The following ZP3 variants were observed in gnomAD, a reference collection of about 807,000 sequenced individuals.
The protein encoded by ZP3 is zona pellucida glycoprotein 3.
In ZP3, 21 loss-of-function variants were observed where a neutral mutation model predicts 35.6. That is an observed-to-expected ratio of 0.59 (90% CI 0.42 to 0.85). The LOEUF is 0.85. Ranked by LOEUF, ZP3 falls within the 40% of genes least tolerant of loss-of-function variation. ZP3 has a pLI of 0.00. For synonymous variants in ZP3, 207 were observed against 214.5 expected (o/e 0.96, Z 0.31); for missense variants, 437 against 536.5 (o/e 0.81, Z 1.83).
intron 2 of ZP3, among the ~76,000 whole-genome samples, chr7:76,430,392 T>A (rs917318814): frequency 1.3e-5 from 2 of 152,086 alleles, no homozygotes; most frequent in Non-Finnish European, 2.9e-5. Context: ...GGCCTCAGCA[T>A]GGGGTGCAGG....
intron 1 of ZP3, among the ~76,000 whole-genome samples, chr7:76,415,182 C>T (rs1805339547): frequency 6.6e-6 from 1 of 151,510 alleles, no homozygotes; most frequent in African/African-American, 2.4e-5. Context: ...TCAAGACCAG[C>T]CTGGCCAACA....
chr7:76,421,214 G>A (rs967275656), upstream of ZP3, among the ~76,000 whole-genome samples: 4 of 152,020 alleles, frequency 2.6e-5, no homozygotes, highest in East Asian at 1.9e-4. Context: ...GATGACAGGC[G>A]TGAGCCACTG....
intron 1 of ZP3, among the ~76,000 whole-genome samples, chr7:76,406,988 C>T (rs1454407066): frequency 6.6e-6 from 1 of 150,878 alleles, no homozygotes; most frequent in African/African-American, 2.4e-5. Flanking sequence ...GGAGACAGAG[C>T]CTCCCTCTGT....
At chr7:76,408,940 C>T (rs765733786) in intron 1 of ZP3, among the ~76,000 whole-genome samples, 2 of 152,158 alleles carry the variant, frequency 1.3e-5, no homozygotes, top group African/African-American at 4.8e-5. Flanking sequence ...ATGACCTTCA[C>T]CTTGCAAAGC....
At chr7:76,427,851 TTA>T (rs1399958520) in intron 1 of ZP3, among the ~76,000 whole-genome samples, 7 of 152,040 alleles carry the variant, frequency 4.6e-5, no homozygotes, top group Non-Finnish European at 8.8e-5. Flanking sequence ...CCCAGCCAAG[TTA>T]TGTTTTTGTA....
chr7:76,409,329 A>AGT (rs879336374), intron 1 of ZP3: 7,936 of 47,158 alleles, frequency 0.17, 282 homozygotes, highest in Middle Eastern at 0.37. Context: ...TGTCTCACAC[A>AGT]CACACACACA....
intron 1 of ZP3, among the ~76,000 whole-genome samples, chr7:76,426,897 C>CAA (rs1805677145): frequency 1.4e-5 from 2 of 140,206 alleles, no homozygotes; most frequent in African/African-American, 2.7e-5. Flanking sequence ...CACACACACA[C>CAA]ACACACACAC....
chr7:76,424,865 G>A, upstream of ZP3: 1 of 1,172,732 alleles, frequency 8.5e-7, no homozygotes, highest in Non-Finnish European at 1.2e-6. Context: ...GCTGGCTAGG[G>A]AAGGGAGGCA....
At chr7:76,430,617 C>A (rs900830617) in intron 2 of ZP3, among the ~76,000 whole-genome samples, 1 of 152,178 alleles carries the variant, frequency 6.6e-6, no homozygotes, top group African/African-American at 2.4e-5. Flanking sequence ...TGCCTGTAAT[C>A]TCAGCTACTC....
chr7:76,421,779 T>A (rs149261047), upstream of ZP3, among the ~76,000 whole-genome samples: 49 of 151,804 alleles, frequency 3.2e-4, no homozygotes, highest in Non-Finnish European at 6.5e-4. Flanking sequence ...AGTTTTTGTA[T>A]TCTTCCTCCT....
chr7:76,423,881 G>C (rs1805580337), upstream of ZP3, among the ~76,000 whole-genome samples: 1 of 151,772 alleles, frequency 6.6e-6, no homozygotes, highest in African/African-American at 2.4e-5. Flanking sequence ...AGAATGCCCT[G>C]GTCGGGGTGA....
Position 76,432,975 on chromosome 7 carries a change from C to G in ZP3, c.480C>G (p.Phe160Leu). Residue 160 changes from phenylalanine to leucine, a missense_variant, in exon 3 of 8, where the codon TTC (phenylalanine) becomes TTG (leucine). Phe to Leu is a conservative substitution (Grantham distance 22). Around this residue, in one of 6 missense-constraint regions of ZP3, gnomAD observed 352 missense variants for 308.4 expected, o/e 1.14. Transcript: ENST00000394857. Reference protein sequence around the residue: ...SQAILPTWLPFRTTVFSEEKL... With the variant: ...SQAILPTWLPLRTTVFSEEKL... ...CCATCCTGCCCACCTGGTTGCCCTT[C>G]AGGACCACGGTGTTCTCAGAGGAGA... is the stretch of plus-strand genomic sequence containing the variant. 3 of 1,614,152 alleles carry G rather than the reference C, an allele frequency of 1.9e-6. No individual in the cohort carries two copies. The highest frequency in any genetic ancestry group is 2.5e-6 in the Non-Finnish European group (3 of 1,180,034).
intron 2 of ZP3, among the ~76,000 whole-genome samples, chr7:76,431,042 C>A (rs760078356): frequency 7.9e-5 from 12 of 152,200 alleles, no homozygotes; most frequent in Admixed American, 1.3e-4. Flanking sequence ...TGGGTGAGGA[C>A]TGAATCTCCA....
rs924402462 is a variant in ZP3, at chr7:76,400,911, G to A, written c.-67+3114G>A. The A allele has an allele frequency of 2.7e-6, 4 of 1,486,110 alleles. No individual in the cohort carries two copies. The African/African-American group carries it at 4.2e-5, about 16-fold the overall frequency. The allele number at this position is 1,486,110 out of a possible 1,614,324, so 92.1% of individuals were successfully genotyped here. A position where few individuals can be genotyped will look rare whatever the true frequency, so the allele number is the denominator to read the frequency against. On this transcript the variant is annotated intron_variant, in intron 1 of 8. Coordinates refer to the ZP3 transcript ENST00000336517. ...TGAGATGGGGGCATCTAGAGTCAAG[G>A]GGGGCTGGTTAGTCATCACTTCCTG...
At chr7:76,440,882 G>A (rs989042830) in intron 7 of ZP3, among the ~76,000 whole-genome samples, 13 of 152,072 alleles carry the variant, frequency 8.5e-5, no homozygotes, top group African/African-American at 2.2e-4. Context: ...CAGTTGTTAA[G>A]ATAATCTGGC....
intron 1 of ZP3, among the ~76,000 whole-genome samples, chr7:76,406,127 A>G (rs1805021176): frequency 6.6e-6 from 1 of 152,046 alleles, no homozygotes; most frequent in Non-Finnish European, 1.5e-5. Flanking sequence ...CTGGGATTAC[A>G]GGCACCCGCC....
intron 5 of ZP3, among the ~76,000 whole-genome samples, chr7:76,437,331 A>G (rs185900683): frequency 1.8e-3 from 274 of 152,090 alleles, no homozygotes; most frequent in Admixed American, 5.6e-3. Context: ...CTCAATCACC[A>G]CGCCTGGCTA....
At chr7:76,424,856 C>A, upstream of ZP3, 1 of 1,069,014 alleles carries the variant, frequency 9.4e-7, no homozygotes, top group South Asian at 1.7e-5. Context: ...AAGGGCCCAG[C>A]TGGCTAGGGA....
At chr7:76,438,557 A>AAAAAAAAG (rs759616662) in intron 5 of ZP3, among the ~76,000 whole-genome samples, 3 of 143,994 alleles carry the variant, frequency 2.1e-5, no homozygotes, top group African/African-American at 8.0e-5. Context: ...AAAAAAAAAA[A>AAAAAAAAG]GGGTAGCGGG....
Sources: gnomAD v4.1 joint callset for allele counts (sites outside exome capture counted in the v4.1 genomes callset) on GRCh38, gnomAD v4.1.1 for gene constraint, gnomAD v4.1.1 regional missense constraint, MANE v1.5 for transcripts, NCBI Gene and HGNC (gene_info 2026-07-23, HGNC 2026-07-21) for gene names.